Variants in FRMD4B observed in about 807,000 individuals in gnomAD.
FRMD4B encodes the protein FERM domain-containing protein 4B.
Under a neutral mutation model 141.5 loss-of-function variants are expected in FRMD4B, and 74 were observed. The ratio of observed to expected loss-of-function variants is 0.52; its 90% CI spans 0.43 to 0.63. FRMD4B has a LOEUF of 0.63. Among genes scored for constraint, FRMD4B ranks in the 30% least tolerant of loss-of-function variants. FRMD4B has a pLI of 0.00. For missense variants in FRMD4B, 1,366 were observed against 1,253.4 expected (o/e 1.09, Z -1.36); for synonymous variants, 506 against 467.9 (o/e 1.08, Z -1.05).
chr3:69,475,933 G>C (rs1705988401), intron 1 of FRMD4B, among the ~76,000 whole-genome samples: 2 of 151,698 alleles, frequency 1.3e-5, no homozygotes, highest in South Asian at 4.2e-4. Context: ...TTGTGGTTTT[G>C]ATTTGCATTT....
intron 1 of FRMD4B, among the ~76,000 whole-genome samples, chr3:69,522,363 G>A (rs758058451): frequency 6.7e-6 from 1 of 149,974 alleles, no homozygotes; most frequent in Non-Finnish European, 1.5e-5. Flanking sequence ...TCAGATGAGG[G>A]CAAAAAGTCA....
intron 5 of FRMD4B, among the ~76,000 whole-genome samples, chr3:69,255,586 T>C (rs1383810826): frequency 6.6e-6 from 1 of 152,152 alleles, no homozygotes; most frequent in African/African-American, 2.4e-5. Flanking sequence ...AGACATATAT[T>C]CCTGGAGTGG....
chr3:69,304,951 G>A (rs1033991033), intron 3 of FRMD4B, among the ~76,000 whole-genome samples: 3 of 152,140 alleles, frequency 2.0e-5, no homozygotes, highest in Non-Finnish European at 2.9e-5. Context: ...CAGGAAAAAT[G>A]AGCATAAATA....
intron 11 of FRMD4B, among the ~76,000 whole-genome samples, chr3:69,211,055 G>A (rs1279099189): frequency 8.2e-6 from 1 of 121,630 alleles, no homozygotes; most frequent in African/African-American, 3.0e-5. Context: ...GAAAATTTGA[G>A]AGTGGATTCT....
At chr3:69,289,244 T>C (rs1409337435) in intron 4 of FRMD4B, among the ~76,000 whole-genome samples, 1 of 152,236 alleles carries the variant, frequency 6.6e-6, no homozygotes, top group Non-Finnish European at 1.5e-5. Flanking sequence ...TTATTTAGTT[T>C]CTTTGTGTCT....
intron 1 of FRMD4B, among the ~76,000 whole-genome samples, chr3:69,446,399 C>G (rs1397240890): frequency 2.0e-5 from 3 of 151,956 alleles, no homozygotes; most frequent in African/African-American, 4.8e-5. Flanking sequence ...GTGGTGCGAT[C>G]TCAGCTCACT....
At chr3:69,346,131 C>T (rs1702932680) in intron 1 of FRMD4B, among the ~76,000 whole-genome samples, 1 of 151,866 alleles carries the variant, frequency 6.6e-6, no homozygotes, top group South Asian at 2.1e-4. Context: ...GTAGAGATGT[C>T]CTTAAATGAC....
intron 1 of FRMD4B, among the ~76,000 whole-genome samples, chr3:69,352,631 C>T (rs573245803): frequency 6.6e-6 from 1 of 152,106 alleles, no homozygotes; most frequent in Non-Finnish European, 1.5e-5. Flanking sequence ...AATGAGTTTG[C>T]CATAACCACA....
intron 1 of FRMD4B, among the ~76,000 whole-genome samples, chr3:69,367,786 A>C (rs1703711253): frequency 6.6e-6 from 1 of 152,240 alleles, no homozygotes; most frequent in African/African-American, 2.4e-5. Context: ...CACGTGCGCC[A>C]TTACATGAGA....
intron 5 of FRMD4B, among the ~76,000 whole-genome samples, chr3:69,280,791 T>G (rs1345917615): frequency 6.6e-6 from 1 of 151,598 alleles, no homozygotes; most frequent in East Asian, 1.9e-4. Flanking sequence ...GGCTAATTTT[T>G]GTATTTTTTG....
intron 1 of FRMD4B, among the ~76,000 whole-genome samples, chr3:69,481,936 A>G (rs1706131682): frequency 6.6e-6 from 1 of 152,254 alleles, no homozygotes; most frequent in Admixed American, 6.5e-5. Context: ...AGACACAGGT[A>G]GAGCCAAGCA....
chr3:69,182,519 T>TA, intron 20 of FRMD4B, 79 bp downstream of exon 20: 1 of 1,382,510 alleles, frequency 7.2e-7, no homozygotes, highest in Non-Finnish European at 9.7e-7. Flanking sequence ...TTGAAATGAT[T>TA]AAAAAACACA....
In FRMD4B at chr3:69,294,576, A is replaced by G. The variant is rs756022722; in HGVS notation, c.417-6740T>C. ...TGAATTTCCAGACATGGCTAGAACC[A>G]GAGAGGGCCTCCTGGTAAGCCTGTA... is the stretch of plus-strand genomic sequence containing the variant. On this transcript the variant is annotated intron_variant, in intron 4 of 22. Coordinates refer to ENST00000398540, the MANE Select transcript of FRMD4B (RefSeq NM_015123.3). 5.9e-5 allele frequency among the ~76,000 whole-genome samples: 9 copies of G among 152,316 alleles called. 1 individual carries two copies. In the East Asian group the frequency reaches 1.2e-3, roughly 20 times the overall value.
chr3:69,329,136 G>A (rs967880160), intron 1 of FRMD4B, among the ~76,000 whole-genome samples: 1 of 152,182 alleles, frequency 6.6e-6, no homozygotes, highest in Non-Finnish European at 1.5e-5. Flanking sequence ...CACTCAGGAT[G>A]TGGAGGCCGT....
chr3:69,232,687 T>C (rs939109064), intron 7 of FRMD4B, among the ~76,000 whole-genome samples: 16 of 152,180 alleles, frequency 1.1e-4, no homozygotes, highest in African/African-American at 1.7e-4. Context: ...GTGCACCTGC[T>C]TGTGGCTAAT....
At chr3:69,402,874 T>G (rs1704590123) in intron 2 of FRMD4B, among the ~76,000 whole-genome samples, 1 of 152,108 alleles carries the variant, frequency 6.6e-6, no homozygotes, top group Non-Finnish European at 1.5e-5. Context: ...CATATGAAAA[T>G]CACTGGATGG....
chr3:69,295,177 C>T (rs1700998686), intron 4 of FRMD4B, among the ~76,000 whole-genome samples: 1 of 152,090 alleles, frequency 6.6e-6, no homozygotes, highest in Non-Finnish European at 1.5e-5. Context: ...ATGAAACAGG[C>T]CCAAGAGGGT....
At chr3:69,293,591 T>A (rs1176881821) in intron 4 of FRMD4B, among the ~76,000 whole-genome samples, 1 of 151,966 alleles carries the variant, frequency 6.6e-6, no homozygotes, top group Admixed American at 6.6e-5. Flanking sequence ...GAATAAAAAT[T>A]CCAAGTATCT....
intron 1 of FRMD4B, chr3:69,535,779 C>T (rs2107168136): frequency 6.3e-6 from 3 of 473,302 alleles, no homozygotes; most frequent in South Asian, 4.6e-5. Context: ...CCACCTTGGA[C>T]CCACTGCCCT....
Sources: allele counts gnomAD v4.1 joint callset (sites outside exome capture counted in the v4.1 genomes callset), GRCh38; gene constraint gnomAD v4.1.1; transcripts MANE v1.5; gene names NCBI Gene and HGNC (gene_info 2026-07-23, HGNC 2026-07-21).